IQCM: variants seen among roughly 807,000 people sequenced by gnomAD.
IQCM encodes the protein IQ motif containing M, also known as IQ domain-containing protein M.
In IQCM, 45 loss-of-function variants were observed where a neutral mutation model predicts 57.6. The observed-to-expected ratio is 0.78, with a 90% confidence interval of 0.62 to 1.00. IQCM has a LOEUF of 1.00. Among genes scored for constraint, IQCM ranks in the 50% least tolerant of loss-of-function variants. IQCM has a pLI of 0.00. For synonymous variants in IQCM, 148 were observed against 158.9 expected, an observed-to-expected ratio of 0.93 and a Z score of 0.51; for missense variants, 468 against 511.6, an observed-to-expected ratio of 0.91 and a Z score of 0.82.
intron 12 of IQCM, among the ~76,000 whole-genome samples, chr4:149,448,514 C>T (rs112267820): frequency 1.5e-4 from 23 of 150,824 alleles, no homozygotes; most frequent in African/African-American, 5.3e-4. Context: ...GAGGAGAAAA[C>T]GGTGAAATAT....
intron 13 of IQCM, among the ~76,000 whole-genome samples, chr4:149,357,195 G>C (rs1729066992): frequency 6.6e-6 from 1 of 152,090 alleles, no homozygotes; most frequent in African/African-American, 2.4e-5. Context: ...CTGCAAACAG[G>C]GACAATTTGA....
intron 13 of IQCM, among the ~76,000 whole-genome samples, chr4:149,368,764 AT>A: frequency 8.4e-6 from 1 of 119,698 alleles, no homozygotes; most frequent in South Asian, 2.4e-4. Context: ...ATGTATATAT[AT>A]ATATACATAT....
chr4:149,773,351 CAAA>C (rs201942246), intron 2 of IQCM, among the ~76,000 whole-genome samples: 1 of 119,584 alleles, frequency 8.4e-6, no homozygotes, highest in Admixed American at 8.5e-5. Context: ...AACTCCGTCT[CAAA>C]AAAAAAAAAA....
chr4:149,682,621 A>G (rs986135361), intron 6 of IQCM, among the ~76,000 whole-genome samples: 2 of 151,162 alleles, frequency 1.3e-5, no homozygotes, highest in Admixed American at 1.3e-4. Flanking sequence ...AATGTGAGTA[A>G]GAAAAAAAGA....
At chr4:149,358,558 G>A (rs1438109223) in intron 13 of IQCM, among the ~76,000 whole-genome samples, 1 of 152,086 alleles carries the variant, frequency 6.6e-6, no homozygotes, top group East Asian at 1.9e-4. Flanking sequence ...GAGTGGTTTT[G>A]AGTGAGTTTC....
intron 12 of IQCM, among the ~76,000 whole-genome samples, chr4:149,439,399 C>G (rs1735682451): frequency 6.6e-6 from 1 of 151,962 alleles, no homozygotes; most frequent in African/African-American, 2.4e-5. Context: ...TTTTTCCTTT[C>G]CCTGTCTTCA....
At chr4:149,578,353 G>A (rs374415074) in intron 9 of IQCM, among the ~76,000 whole-genome samples, 28 of 151,696 alleles carry the variant, frequency 1.8e-4, no homozygotes, top group African/African-American at 4.8e-4. Context: ...ATGTTTTACC[G>A]GTAGGATACT....
chr4:149,624,145 CAA>C (rs1411803274), intron 7 of IQCM, among the ~76,000 whole-genome samples: 9 of 143,820 alleles, frequency 6.3e-5, no homozygotes, highest in African/African-American at 2.2e-4. Context: ...TGATGTGCCC[CAA>C]GTGTGTGTGT....
intron 9 of IQCM, among the ~76,000 whole-genome samples, chr4:149,574,084 T>C (rs1434078338): frequency 1.3e-5 from 2 of 151,964 alleles, no homozygotes; most frequent in East Asian, 3.9e-4. Flanking sequence ...TTCAATTTTA[T>C]GCCACGGACT....
chr4:149,362,323 T>G (rs1729551370), intron 13 of IQCM, among the ~76,000 whole-genome samples: 1 of 152,056 alleles, frequency 6.6e-6, no homozygotes, highest in Non-Finnish European at 1.5e-5. Flanking sequence ...GCATGATTGA[T>G]TTTTGAAATA....
intron 12 of IQCM, among the ~76,000 whole-genome samples, chr4:149,457,858 T>C (rs528408039): frequency 4.0e-4 from 61 of 152,136 alleles, no homozygotes; most frequent in African/African-American, 1.4e-3. Flanking sequence ...GAACAAAAAA[T>C]TAGACATTCA....
At chr4:149,686,281 A>G (rs897650180) in intron 6 of IQCM, 97 bp downstream of exon 6, 10 of 468,194 alleles carry the variant, frequency 2.1e-5, no homozygotes, top group Non-Finnish European at 3.4e-5. Context: ...ATGGGGTGTT[A>G]ATAGAAAAAC....
At chr4:149,709,551 A>C (rs992628486) in intron 5 of IQCM, among the ~76,000 whole-genome samples, 1 of 152,104 alleles carries the variant, frequency 6.6e-6, no homozygotes, top group Non-Finnish European at 1.5e-5. Context: ...GTCAGCAGTT[A>C]TTTTTATCAT....
At chr4:149,655,592 C>A (rs933782569) in intron 7 of IQCM, among the ~76,000 whole-genome samples, 1 of 151,760 alleles carries the variant, frequency 6.6e-6, no homozygotes, top group Admixed American at 6.6e-5. Flanking sequence ...TGTTACGTAC[C>A]GATAGAGCAA....
chr4:149,692,870 C>A (rs1351488510), intron 5 of IQCM, among the ~76,000 whole-genome samples: 2 of 151,978 alleles, frequency 1.3e-5, no homozygotes, highest in African/African-American at 4.8e-5. Flanking sequence ...TTAGAATACT[C>A]ATTCAAAGAG....
chr4:149,526,476 C>T (rs12374213), intron 12 of IQCM, among the ~76,000 whole-genome samples: 2 of 151,832 alleles, frequency 1.3e-5, no homozygotes, highest in East Asian at 3.8e-4. Flanking sequence ...CAAAAAAGTT[C>T]TTTTCACTGT....
intron 13 of IQCM, among the ~76,000 whole-genome samples, chr4:149,384,165 A>G (rs185026844): frequency 7.8e-4 from 118 of 152,252 alleles, no homozygotes; most frequent in African/African-American, 2.6e-3. Context: ...AGTGATATGG[A>G]TTTATATCAG....
intron 8 of IQCM, among the ~76,000 whole-genome samples, chr4:149,615,546 G>A (rs893233154): frequency 6.6e-5 from 10 of 152,114 alleles, no homozygotes; most frequent in African/African-American, 2.4e-4. Context: ...TTGCAGAAGT[G>A]AAACGTTTAA....
rs901624764 is a variant in IQCM, at chr4:149,457,406, G to A, written c.1229-23849C>T. On this transcript the variant is annotated intron_variant, in intron 12 of 13. Transcript: ENST00000636793. ...GACGTAAATGCACCCAAAAGTAGAA[G>A]AGATAAACTGAATAGTGTGCTTGCT... 8.9e-4 allele frequency among the ~76,000 whole-genome samples: 136 copies of A among 152,140 alleles called. 1 individual carries two copies. Among genetic ancestry groups the A allele is most frequent in the African/African-American group, 3.1e-3 (130 of 41,548 alleles).
Sources: gnomAD v4.1 joint callset for allele counts (sites outside exome capture counted in the v4.1 genomes callset) on GRCh38, gnomAD v4.1.1 for gene constraint, MANE v1.5 for transcripts, NCBI Gene and HGNC (gene_info 2026-07-23, HGNC 2026-07-21) for gene names.